MCF2L: variants seen among roughly 807,000 people sequenced by gnomAD.
MCF2L encodes the protein MCF.2 cell line derived transforming sequence like.
A neutral mutation model predicts 153.4 loss-of-function variants in MCF2L; 97 were observed. The observed-to-expected ratio is 0.63, with a 90% CI of 0.54 to 0.75. The LOEUF is 0.75. MCF2L is among the 30% of genes least tolerant of loss of function. The probability of loss-of-function intolerance (pLI) is 0.00; values close to 1 mark genes in which losing one functional copy is unlikely to be tolerated. For missense variants in MCF2L, 1,347 were observed against 1,495.2 expected (o/e 0.90, Z 1.64); for synonymous variants, 659 against 632.2 (o/e 1.04, Z -0.64).
chr13:112,916,858 C>G (rs1381552209), intron 2 of MCF2L, among the ~76,000 whole-genome samples: 8 of 152,136 alleles, frequency 5.3e-5, no homozygotes, highest in African/African-American at 1.9e-4. Context: ...AGAGCTGAAC[C>G]AGTTGGAAGA....
chr13:112,928,778 C>T (rs555851600), intron 2 of MCF2L, among the ~76,000 whole-genome samples: 1 of 152,358 alleles, frequency 6.6e-6, no homozygotes, highest in South Asian at 2.1e-4. Context: ...CAGTCTCCAG[C>T]AGCTCTGACG....
intron 2 of MCF2L, among the ~76,000 whole-genome samples, chr13:112,905,452 G>A (rs1417878199): frequency 6.6e-6 from 1 of 152,200 alleles, no homozygotes; most frequent in African/African-American, 2.4e-5. Flanking sequence ...ATTGGGAACG[G>A]CACGAAGTTT....
intron 4 of MCF2L, among the ~76,000 whole-genome samples, chr13:113,055,696 C>T (rs2087717736): frequency 6.6e-6 from 1 of 152,192 alleles, no homozygotes; most frequent in Non-Finnish European, 1.5e-5. Flanking sequence ...CCAGGCGCCT[C>T]GTCCACCAGG....
At chr13:113,059,274 G>A (rs2030958200) in intron 4 of MCF2L, among the ~76,000 whole-genome samples, 1 of 152,206 alleles carries the variant, frequency 6.6e-6, no homozygotes. Context: ...CGCGTCCCCT[G>A]ACTTCAGACC....
chr13:112,923,298 C>T (rs1252103561), intron 2 of MCF2L, among the ~76,000 whole-genome samples: 1 of 114,750 alleles, frequency 8.7e-6, no homozygotes, highest in Admixed American at 1.3e-4. Context: ...GAGTCTTGCT[C>T]TGTCACCCAG....
intron 26 of MCF2L, among the ~76,000 whole-genome samples, chr13:113,093,363 C>T (rs2035379907): frequency 6.6e-6 from 1 of 152,250 alleles, no homozygotes; most frequent in African/African-American, 2.4e-5. Context: ...GCAAAGCACC[C>T]GGGTGGGGTG....
chr13:113,045,185 T>C lies in MCF2L; in HGVS notation c.279-86T>C. On this transcript the variant is annotated intron_variant, in intron 3 of 29. Transcript: ENST00000535094. The surrounding 1 kb of genome is among the most constrained non-coding windows in gnomAD (Gnocchi z 4.2). The stretch of plus-strand genomic sequence containing the variant: ...TGGCATCATGAATATGGGGGATCGC[T>C]CTCCCAAGAGGTTTTCTGAGGGATT... The C allele has an allele frequency of 8.8e-7, 1 of 1,140,386 alleles. No homozygotes were observed. Among genetic ancestry groups the C allele is most frequent in the East Asian group, 2.4e-5 (1 of 42,348 alleles). 70.6% of individuals were successfully genotyped at this position (1,140,386 alleles called of 1,614,324 possible). A position where few individuals can be genotyped will look rare whatever the true frequency, so the allele number is the denominator to read the frequency against.
intron 8 of MCF2L, among the ~76,000 whole-genome samples, chr13:113,066,431 G>C (rs562002009): frequency 6.6e-6 from 1 of 152,302 alleles, no homozygotes; most frequent in South Asian, 2.1e-4. Context: ...ACGCCCTTTT[G>C]CCGGCATGAA....
At chr13:112,908,334 T>G (rs921097038) in intron 2 of MCF2L, among the ~76,000 whole-genome samples, 1 of 152,208 alleles carries the variant, frequency 6.6e-6, no homozygotes, top group African/African-American at 2.4e-5. Context: ...GGTGCCTAAA[T>G]GGACTGTTCT....
intron 2 of MCF2L, among the ~76,000 whole-genome samples, chr13:112,914,711 T>C (rs1482760069): frequency 1.3e-5 from 2 of 152,220 alleles, no homozygotes; most frequent in East Asian, 1.9e-4. Flanking sequence ...ATGCGTGAGA[T>C]TGAACTGCTT....
intron 2 of MCF2L, among the ~76,000 whole-genome samples, chr13:112,940,037 G>A (rs1203031948): frequency 1.3e-5 from 2 of 151,658 alleles, no homozygotes; most frequent in African/African-American, 2.4e-5. Flanking sequence ...TGGGGGTGGT[G>A]ATTGGGTCAG....
At position 113,031,167 on chromosome 13, in the gene MCF2L, CAG is replaced by C. The variant is rs569409220; in HGVS notation, c.278+6414_278+6415del. 2.2e-3 allele frequency among the ~76,000 whole-genome samples: 311 copies of C among 140,240 alleles called. 1 individual carries two copies. The highest frequency in any genetic ancestry group is 7.0e-3 in the Middle Eastern group (2 of 284). The allele number at this position is 140,240 out of a possible 152,430, so 92.0% of individuals were successfully genotyped here. A position where few individuals can be genotyped will look rare whatever the true frequency, so the allele number is the denominator to read the frequency against. ...GACAGAGAGAGACAGAGAGAAGAGACAGAGAGTGACAGACAGAGACAGAGAGA... is the reference window on the plus strand; with the variant it reads ...GACAGAGAGAGACAGAGAGAAGAGACAGAGTGACAGACAGAGACAGAGAGA... On this transcript the variant is annotated intron_variant, in intron 3 of 29. Transcript: ENST00000535094. The surrounding 1 kb of genome is among the most constrained non-coding windows in gnomAD (Gnocchi z 5.5).
chr13:112,934,174 A>T (rs1457895115), intron 2 of MCF2L, among the ~76,000 whole-genome samples: 1 of 152,188 alleles, frequency 6.6e-6, no homozygotes, highest in Non-Finnish European at 1.5e-5. Context: ...CGGCAGATGC[A>T]TGGAAGCCCC....
chr13:113,005,700 C>T (rs375312088), intron 1 of MCF2L, among the ~76,000 whole-genome samples: 4 of 152,076 alleles, frequency 2.6e-5, no homozygotes, highest in East Asian at 3.9e-4. Context: ...GTATTTGTAC[C>T]TGAGGTTTGC....
chr13:112,981,253 G>A (rs1294437418), intron 1 of MCF2L, among the ~76,000 whole-genome samples: 2 of 152,178 alleles, frequency 1.3e-5, no homozygotes, highest in Non-Finnish European at 1.5e-5. Flanking sequence ...CCCCCAAGAT[G>A]TCTCCACACC....
At chr13:112,909,584 G>T in intron 2 of MCF2L, 1 of 425,186 alleles carries the variant, frequency 2.4e-6, no homozygotes, top group Non-Finnish European at 4.2e-6. Flanking sequence ...ATAACCAAGA[G>T]GATGAATCTC....
rs775112710 is a variant in MCF2L, at chr13:113,089,635, A to G, written c.2860A>G (p.Ile954Val). ...TSPSRGNSRN[I>V]KKLEERKTDP... ...TCCCTCAAGAGGAAACTCAAGGAACATCAAGAAGCTGGAAGAAAGGAAAAC... is the reference window on the plus strand; with the variant it reads ...TCCCTCAAGAGGAAACTCAAGGAACGTCAAGAAGCTGGAAGAAAGGAAAAC... Residue 954 changes from isoleucine to valine, a missense_variant, in exon 26 of 30, where the codon ATC becomes GTC. Physicochemically the swap from Ile to Val is conservative, Grantham distance 29. Transcript: ENST00000535094. 6.8e-6 allele frequency: 11 copies of G among 1,613,700 alleles called. No homozygotes were observed. Among genetic ancestry groups the G allele is most frequent in the Admixed American group, 1.7e-5 (1 of 60,004 alleles).
At chr13:112,958,837 G>A (rs2081789946) in intron 2 of MCF2L, among the ~76,000 whole-genome samples, 1 of 152,328 alleles carries the variant, frequency 6.6e-6, no homozygotes, top group South Asian at 2.1e-4. Context: ...AGCACCTGGA[G>A]GCTCAAGGTG....
At chr13:113,030,067 A>G (rs912827032) in intron 3 of MCF2L, among the ~76,000 whole-genome samples, 2 of 152,208 alleles carry the variant, frequency 1.3e-5, no homozygotes, top group African/African-American at 2.4e-5. Flanking sequence ...GACTATACTC[A>G]TCATTTTTGG....
Sources: allele counts gnomAD v4.1 joint callset (sites outside exome capture counted in the v4.1 genomes callset), GRCh38; gene constraint gnomAD v4.1.1; non-coding constraint Gnocchi (gnomAD v3.1); transcripts MANE v1.5; gene names NCBI Gene and HGNC (gene_info 2026-07-23, HGNC 2026-07-21).